Variants in ADCY2 observed in about 807,000 individuals in gnomAD.
ADCY2 encodes adenylate cyclase 2, also known as adenylate cyclase type 2.
A neutral mutation model predicts 125.2 loss-of-function variants in ADCY2; 31 were observed. That is an observed-to-expected ratio of 0.25 (90% CI 0.19 to 0.33). The LOEUF (loss-of-function observed/expected upper bound fraction) is 0.33. ADCY2 is among the 10% of genes least tolerant of loss of function. The pLI is 1.00. For missense variants in ADCY2, 904 were observed against 1,418.2 expected (o/e 0.64, Z 5.82); for synonymous variants, 512 against 548.4 (o/e 0.93, Z 0.93).
intron 2 of ADCY2, among the ~76,000 whole-genome samples, chr5:7,519,765 C>T (rs964609621): frequency 6.6e-6 from 1 of 152,138 alleles, no homozygotes; most frequent in Admixed American, 6.6e-5. Context: ...TTTTCATCAT[C>T]CCCGAAGGAA....
At chr5:7,693,003 C>T (rs996029935) in intron 5 of ADCY2, among the ~76,000 whole-genome samples, 1 of 152,174 alleles carries the variant, frequency 6.6e-6, no homozygotes, top group African/African-American at 2.4e-5. Flanking sequence ...GACTACTCCT[C>T]TTCCTCTACA....
At chr5:7,752,173 T>A (rs548611569) in intron 15 of ADCY2, among the ~76,000 whole-genome samples, 1 of 152,280 alleles carries the variant, frequency 6.6e-6, no homozygotes, top group South Asian at 2.1e-4. Context: ...TTGATTGGCA[T>A]AAAGAAGTCT....
At chr5:7,700,719 CCACACACACACACACACACACA>C (rs56197160) in intron 7 of ADCY2, among the ~76,000 whole-genome samples, 1 of 98,258 alleles carries the variant, frequency 1.0e-5, no homozygotes, top group African/African-American at 3.9e-5. Flanking sequence ...CTCGCACCCA[CCACACACACACACACACACACA>C]CACACACACA....
At chr5:7,713,423 G>A (rs977729669) in intron 11 of ADCY2, among the ~76,000 whole-genome samples, 1 of 151,910 alleles carries the variant, frequency 6.6e-6, no homozygotes, top group South Asian at 2.1e-4. Flanking sequence ...CAACGCGGGA[G>A]GCAGAGGTTA....
chr5:7,409,132 G>T, intron 1 of ADCY2, among the ~76,000 whole-genome samples: 1 of 152,136 alleles, frequency 6.6e-6, no homozygotes, highest in East Asian at 1.9e-4. Context: ...TGTAGGAACA[G>T]GAAACCAAAT....
At chr5:7,511,109 T>C (rs72709181) in intron 2 of ADCY2, among the ~76,000 whole-genome samples, 24,440 of 152,090 alleles carry the variant, frequency 0.16, 2,106 homozygotes, top group African/African-American at 0.2. Context: ...CAAATCTTCA[T>C]TGAGGTTTTT....
At chr5:7,596,906 G>A (rs780382803) in intron 3 of ADCY2, among the ~76,000 whole-genome samples, 3 of 152,100 alleles carry the variant, frequency 2.0e-5, no homozygotes, top group Non-Finnish European at 4.4e-5. Flanking sequence ...CTTCAAACAG[G>A]AATTAAGAAG....
chr5:7,762,852 C>CA (rs1464032785), intron 16 of ADCY2, among the ~76,000 whole-genome samples: 2 of 151,956 alleles, frequency 1.3e-5, no homozygotes, highest in Admixed American at 6.6e-5. Context: ...GCAAGAATAA[C>CA]AGTTATTTGT....
chr5:7,498,322 C>T (rs975462113), intron 2 of ADCY2, among the ~76,000 whole-genome samples: 11 of 138,002 alleles, frequency 8.0e-5, no homozygotes, highest in Non-Finnish European at 1.7e-4. Flanking sequence ...AATCTTGGCT[C>T]ACTGCAAACT....
chr5:7,566,875 G>A (rs10039905), intron 3 of ADCY2, among the ~76,000 whole-genome samples: 94,223 of 151,584 alleles, frequency 0.62, 30,000 homozygotes, highest in Non-Finnish European at 0.69. Flanking sequence ...CTGGGGGGGA[G>A]GTATTAAAAT....
chr5:7,480,463 G>T (rs1742687135), intron 2 of ADCY2, among the ~76,000 whole-genome samples: 1 of 152,082 alleles, frequency 6.6e-6, no homozygotes, highest in Admixed American at 6.6e-5. Context: ...GATATGGATG[G>T]ACCTGGAGAC....
At chr5:7,564,421 C>T (rs543581775) in intron 3 of ADCY2, among the ~76,000 whole-genome samples, 15 of 152,246 alleles carry the variant, frequency 9.9e-5, no homozygotes, top group East Asian at 7.7e-4. Flanking sequence ...ACAGGGTTTC[C>T]AGCATGCTGG....
rs116538556 is a variant in ADCY2 at position 7,719,151 on chromosome 5, T to C, written c.1703+1914T>C. ...AGAGAGTGCCACCATTGTCATTGCT[T>C]TATTGTTGTTAAAGTTGCTTTTAAA... On this transcript the variant is annotated intron_variant, in intron 12 of 24. Transcript: ENST00000338316. Among the ~76,000 whole-genome samples the C allele has an allele frequency of 7.9e-3, 1,199 of 152,300 alleles. 17 individuals are homozygous for C. The highest frequency in any genetic ancestry group is 0.028 in the African/African-American group (1,149 of 41,556).
chr5:7,429,382 TAGG>T (rs939229513), intron 2 of ADCY2, among the ~76,000 whole-genome samples: 1 of 152,136 alleles, frequency 6.6e-6, no homozygotes, highest in African/African-American at 2.4e-5. Context: ...AATAAGGATA[TAGG>T]AGATTTGAAA....
intron 2 of ADCY2, among the ~76,000 whole-genome samples, chr5:7,437,626 C>T (rs192995096): frequency 2.7e-4 from 41 of 152,308 alleles, no homozygotes; most frequent in East Asian, 1.9e-3. Context: ...GATAGGTACT[C>T]GGGAAATTTT....
chr5:7,432,218 A>G (rs1255422769), intron 2 of ADCY2, among the ~76,000 whole-genome samples: 2 of 152,022 alleles, frequency 1.3e-5, no homozygotes, highest in East Asian at 3.9e-4. Flanking sequence ...ACCGAGAGCC[A>G]CTTTCATTGG....
intron 3 of ADCY2, among the ~76,000 whole-genome samples, chr5:7,599,132 G>A (rs1737112779): frequency 6.6e-6 from 1 of 152,166 alleles, no homozygotes; most frequent in African/African-American, 2.4e-5. Context: ...GATTTGTACA[G>A]GGACAGCCCA....
At chr5:7,779,510 C>A (rs1579426483) in intron 18 of ADCY2, among the ~76,000 whole-genome samples, 1 of 152,102 alleles carries the variant, frequency 6.6e-6, no homozygotes, top group African/African-American at 2.4e-5. Context: ...CAAAAGGAAA[C>A]CACAACTGCA....
intron 3 of ADCY2, among the ~76,000 whole-genome samples, chr5:7,610,621 G>A (rs1014337907): frequency 1.3e-5 from 2 of 152,134 alleles, no homozygotes; most frequent in Non-Finnish European, 2.9e-5. Context: ...ATGGAAGGAT[G>A]TGTGTGTTAA....
Sources: gnomAD v4.1 joint callset for allele counts (sites outside exome capture counted in the v4.1 genomes callset) on GRCh38, gnomAD v4.1.1 for gene constraint, MANE v1.5 for transcripts, NCBI Gene and HGNC (gene_info 2026-07-23, HGNC 2026-07-21) for gene names.